TTI1: variants seen among roughly 807,000 people sequenced by gnomAD.
TTI1 encodes TELO2 interacting protein 1.
In TTI1, 52 loss-of-function variants were observed where a neutral mutation model predicts 85.4. The ratio of observed to expected loss-of-function variants is 0.61; its 90% CI spans 0.49 to 0.77. The LOEUF is 0.77. TTI1 is among the 30% of genes least tolerant of loss of function. TTI1 has a pLI of 0.00. For synonymous variants in TTI1, 512 were observed against 503.9 expected (o/e 1.02, Z -0.22); for missense variants, 1,173 against 1,296.0 (o/e 0.91, Z 1.46).
intron 2 of TTI1, among the ~76,000 whole-genome samples, chr20:38,009,494 A>G (rs1338730525): frequency 3.3e-5 from 5 of 150,200 alleles, no homozygotes; most frequent in South Asian, 2.1e-4. Context: ...GGGCCTTCCC[A>G]CCTGAATTTT....
intron 1 of TTI1, among the ~76,000 whole-genome samples, chr20:38,030,195 GA>G (rs538126579): frequency 7.5e-6 from 1 of 132,554 alleles, no homozygotes; most frequent in Admixed American, 8.4e-5. Flanking sequence ...AAAAACTCCA[GA>G]AAAAAAAGGA....
At chr20:38,026,466 A>T in intron 1 of TTI1, among the ~76,000 whole-genome samples, 1 of 152,114 alleles carries the variant, frequency 6.6e-6, no homozygotes, top group South Asian at 2.1e-4. Flanking sequence ...AGGGGAGAAA[A>T]CAATTCTAAT....
intron 7 of TTI1, among the ~76,000 whole-genome samples, chr20:37,993,935 T>C (rs2073302011): frequency 6.6e-6 from 1 of 152,030 alleles, no homozygotes; most frequent in Non-Finnish European, 1.5e-5. Flanking sequence ...GTTGTTCTGG[T>C]GGGAGATGAT....
chr20:38,012,123 G>C lies in TTI1; in HGVS notation c.1694C>G (p.Thr565Arg), dbSNP rs1356101344. ...AACCAAATACCAATTTTCTTGACTT[G>C]TGTATTCTTCAAGTATAGATGTCAC... ...EIVTSILEEY[T>R]SQENWYLVTC... Residue 565 changes from threonine to arginine, a missense_variant, in exon 2 of 8, where the codon ACA (threonine) becomes AGA (arginine). Physicochemically the swap from Thr to Arg is moderately conservative, Grantham distance 71 (BLOSUM62 -1). Transcript: ENST00000373447. The C allele has an allele frequency of 6.2e-7, 1 of 1,614,052 alleles. No homozygotes were observed. Among genetic ancestry groups the C allele is most frequent in the Non-Finnish European group, 8.5e-7 (1 of 1,180,056 alleles).
At chr20:38,004,461 A>T (rs1416117120) in intron 3 of TTI1, among the ~76,000 whole-genome samples, 6 of 152,218 alleles carry the variant, frequency 3.9e-5, no homozygotes, top group Non-Finnish European at 8.8e-5. Flanking sequence ...ATTAAAATGC[A>T]TTTGTAGAAT....
rs941690111 is a variant in TTI1, at chr20:38,032,815, G to A, written c.-42+589C>T. ...TCGCCTCGGCCTCCCAAAGGGTTGG[G>A]ATTACAAGCAAGAGACGTTGCGCCA... On this transcript the variant is annotated intron_variant, in intron 1 of 7. Transcript: ENST00000373447. Among the ~76,000 whole-genome samples, 5 of 152,246 alleles carry A rather than the reference G, an allele frequency of 3.3e-5. No homozygotes were observed. In the South Asian group the frequency reaches 8.3e-4, roughly 25 times the overall value.
At chr20:38,009,139 A>C (rs2073543881) in intron 2 of TTI1, among the ~76,000 whole-genome samples, 1 of 152,164 alleles carries the variant, frequency 6.6e-6, no homozygotes, top group Non-Finnish European at 1.5e-5. Context: ...CTTAACCTAC[A>C]TTTTAAAAAT....
At chr20:38,005,953 G>A (rs551658241) in intron 3 of TTI1, 50 of 456,336 alleles carry the variant, frequency 1.1e-4, no homozygotes, top group East Asian at 7.6e-4. Context: ...AAAATTCAAC[G>A]GCAATAAGCA....
chr20:37,993,022 A>G (rs2073286692), intron 7 of TTI1, among the ~76,000 whole-genome samples: 1 of 151,784 alleles, frequency 6.6e-6, no homozygotes, highest in South Asian at 2.1e-4. Flanking sequence ...AGCTCCTGGT[A>G]TGCTAAGCCC....
chr20:38,009,949 G>C (rs946041224), intron 2 of TTI1, among the ~76,000 whole-genome samples: 1 of 152,168 alleles, frequency 6.6e-6, no homozygotes, highest in African/African-American at 2.4e-5. Flanking sequence ...ACACTGAGGT[G>C]TTTATTTCCT....
At position 38,006,295 on chromosome 20, in the gene TTI1, C is replaced by T; in HGVS notation, c.2405G>A (p.Ser802Asn). The T allele has an allele frequency of 6.2e-7, 1 of 1,614,202 alleles. No homozygotes were observed. The highest frequency in any genetic ancestry group is 8.5e-7 in the Non-Finnish European group (1 of 1,180,038). The change falls in exon 3 of 8, where the codon AGC becomes AAC. Residue 802 changes from serine (S) to asparagine (N), a missense_variant. Physicochemically the swap from Ser to Asn is conservative, Grantham distance 46 (BLOSUM62 1). Transcript: ENST00000373447. ...LNQRPAALEK[S>N]TTTAEDIEQF... is the part of the protein sequence containing the mutation. ...TTCGATGTCTTCAGCTGTGGTGGTG[C>T]TCTTCTCAAGAGCTGCTGGTCTTTG...
chr20:37,997,941 T>C (rs1259291141), intron 5 of TTI1, among the ~76,000 whole-genome samples: 4 of 152,216 alleles, frequency 2.6e-5, no homozygotes, highest in African/African-American at 9.7e-5. Context: ...TCTTTCTTTT[T>C]TCGAGATGGA....
At chr20:38,004,236 T>C (rs1391289222) in intron 3 of TTI1, among the ~76,000 whole-genome samples, 1 of 152,188 alleles carries the variant, frequency 6.6e-6, no homozygotes, top group East Asian at 1.9e-4. Flanking sequence ...GATTTGAGAA[T>C]TGCATGAAAC....
At chr20:37,993,947 GTGGCC>G (rs2073302347) in intron 7 of TTI1, among the ~76,000 whole-genome samples, 1 of 152,208 alleles carries the variant, frequency 6.6e-6, no homozygotes, top group African/African-American at 2.4e-5. Context: ...GGAGATGATG[GTGGCC>G]TGGCCTGGCC....
intron 7 of TTI1, among the ~76,000 whole-genome samples, chr20:37,985,107 G>A (rs2073173062): frequency 6.6e-6 from 1 of 152,226 alleles, no homozygotes; most frequent in South Asian, 2.1e-4. Flanking sequence ...CACTAGCTAT[G>A]TGGCTTTGGG....
chr20:38,011,420 C>A, intron 2 of TTI1, 95 bp downstream of exon 2: 1 of 1,380,508 alleles, frequency 7.2e-7, no homozygotes, highest in African/African-American at 1.4e-5. Flanking sequence ...TCCTCCATAG[C>A]ATCACCACAA....
At position 37,983,521 on chromosome 20, in the gene TTI1, C is replaced by T. The variant is rs756784886; in HGVS notation, c.3205G>A (p.Gly1069Arg). 2.5e-5 allele frequency: 41 copies of T among 1,610,858 alleles called. No individual in the cohort carries two copies. Among genetic ancestry groups the T allele is most frequent in the Non-Finnish European group, 2.9e-5 (34 of 1,179,298 alleles). The change falls in exon 8 of 8, where the codon GGG (glycine) becomes AGG (arginine). Residue 1069 changes from glycine (G) to arginine (R), a missense_variant. Transcript: ENST00000373447. ...TAGGGGTTCTGCTGCCCGCTGGCCC[C>T]GTGCAGCTGCACAGGGTGGAGGCTG... is the stretch of plus-strand genomic sequence containing the variant. The part of the protein sequence containing the change: ...HPSLHPVQLH[G>R]ASGQQNPYTT...
intron 4 of TTI1, among the ~76,000 whole-genome samples, chr20:38,002,407 T>C (rs1368641102): frequency 6.6e-6 from 1 of 152,098 alleles, no homozygotes. Flanking sequence ...AAACTTGTGG[T>C]TTTTAATGCA....
intron 1 of TTI1, among the ~76,000 whole-genome samples, chr20:38,022,700 T>C (rs980118416): frequency 5.9e-5 from 9 of 152,304 alleles, no homozygotes; most frequent in Non-Finnish European, 1.2e-4. Context: ...ATTCTAGATT[T>C]GGTTGTACTC....
Sources: allele counts gnomAD v4.1 joint callset (sites outside exome capture counted in the v4.1 genomes callset), GRCh38; gene constraint gnomAD v4.1.1; transcripts MANE v1.5; gene names NCBI Gene and HGNC (gene_info 2026-07-23, HGNC 2026-07-21).